The following TEX2 variants were observed in gnomAD, a reference collection of about 807,000 sequenced individuals.
TEX2 encodes the protein testis-expressed protein 2.
A neutral mutation model predicts 106.9 loss-of-function variants in TEX2; 53 were observed. That is an observed-to-expected ratio of 0.50 (90% CI 0.40 to 0.62). TEX2 has a LOEUF of 0.62. Ranked by LOEUF, TEX2 falls within the 20% of genes least tolerant of loss-of-function variation. The pLI is 0.00. For synonymous variants in TEX2, 523 were observed against 534.8 expected, an observed-to-expected ratio of 0.98 and a Z score of 0.30; for missense variants, 1,207 against 1,379.0, an observed-to-expected ratio of 0.88 and a Z score of 1.98.
intron 1 of TEX2, among the ~76,000 whole-genome samples, chr17:64,230,991 C>T (rs1211263220): frequency 2.0e-5 from 3 of 152,240 alleles, no homozygotes; most frequent in Non-Finnish European, 4.4e-5. Flanking sequence ...TTAACAAATA[C>T]TTCTAGACTT....
chr17:64,149,336 A>G (rs2030224084), intron 11 of TEX2: 1 of 445,408 alleles, frequency 2.2e-6, no homozygotes, highest in Non-Finnish European at 4.1e-6. Flanking sequence ...TTGATTTTGT[A>G]TACATATAAT....
At chr17:64,160,070 A>C (rs1201322116) in intron 8 of TEX2, among the ~76,000 whole-genome samples, 1 of 152,232 alleles carries the variant, frequency 6.6e-6, no homozygotes, top group East Asian at 1.9e-4. Context: ...AGATGTGAGA[A>C]GTAGCCTCTA....
chr17:64,150,783 G>A (rs144224784), intron 11 of TEX2, 58 bp downstream of exon 11: 12 of 1,539,452 alleles, frequency 7.8e-6, no homozygotes, highest in African/African-American at 2.8e-5. Context: ...TCAGAACCTC[G>A]GCTAAACCCA....
At chr17:64,237,472 G>A (rs1193878509) in intron 1 of TEX2, among the ~76,000 whole-genome samples, 2 of 152,174 alleles carry the variant, frequency 1.3e-5, no homozygotes, top group South Asian at 4.1e-4. Context: ...TTTTCTGGCT[G>A]TAGTGTGGAA....
intron 5 of TEX2, among the ~76,000 whole-genome samples, chr17:64,179,769 T>A (rs79045313): frequency 8.4e-4 from 126 of 149,590 alleles, no homozygotes; most frequent in Admixed American, 3.7e-3. Context: ...GAGTCTCATT[T>A]AAAAAAAAAA....
In TEX2 at chr17:64,149,061, C is replaced by T. The variant is rs773335087; in HGVS notation, c.3292G>A (p.Val1098Ile). 4 of 1,613,946 alleles carry T rather than the reference C, an allele frequency of 2.5e-6. No homozygotes were observed. Among genetic ancestry groups the T allele is most frequent in the African/African-American group, 1.3e-5 (1 of 74,926 alleles). The change falls in exon 12 of 12, where the codon GTT (valine) becomes ATT (isoleucine). Residue 1098 changes from valine (V) to isoleucine (I), a missense_variant. Physicochemically the swap from Val to Ile is conservative, Grantham distance 29 (BLOSUM62 3). Coordinates refer to ENST00000584379, the MANE Select transcript of TEX2 (RefSeq NM_001288732.2). The stretch of plus-strand genomic sequence containing the variant: ...GCTGAGTGCATTATAGTGATATAAA[C>T]ATCATCCATGTTTGGCATGACAAAA... ...KVFVMPNMDD[V>I]YITIMHSAMD...
At position 64,188,292 on chromosome 17, in the gene TEX2, C is replaced by T; in HGVS notation, c.2300G>A (p.Ser767Asn). 1 of 1,614,170 alleles carries T rather than the reference C, an allele frequency of 6.2e-7. No individual in the cohort carries two copies. Among genetic ancestry groups the T allele is most frequent in the East Asian group, 2.2e-5 (1 of 44,884 alleles). ...SQPKQKELAGSVRQKMLLDYS... is the reference protein window; with the variant it reads ...SQPKQKELAGNVRQKMLLDYS... ...GTCGAGAAGCATCTTCTGCCGCACG[C>T]TGCCTGCCAGCTCCTTCTGCTTTGG... The change falls in exon 5 of 12, where the codon AGC (serine) becomes AAC (asparagine). Residue 767 changes from serine to asparagine, a missense_variant. By Grantham distance (46) the Ser-to-Asn change is conservative. Around this residue, in one of 3 missense-constraint regions of TEX2, gnomAD observed 1,067 missense variants for 1,193.6 expected, o/e 0.89. Transcript: ENST00000584379.
intron 1 of TEX2, among the ~76,000 whole-genome samples, chr17:64,241,257 G>A (rs782538011): frequency 1.3e-5 from 2 of 152,208 alleles, no homozygotes; most frequent in Non-Finnish European, 2.9e-5. Flanking sequence ...CTCAGAAGCC[G>A]ACCAGTGAGC....
chr17:64,202,289 G>A (rs1598173722), intron 2 of TEX2, among the ~76,000 whole-genome samples: 1 of 152,090 alleles, frequency 6.6e-6, no homozygotes, highest in East Asian at 1.9e-4. Flanking sequence ...GATCACAGGA[G>A]TTGCTACTTG....
intron 7 of TEX2, among the ~76,000 whole-genome samples, chr17:64,170,225 G>A (rs1378236416): frequency 6.6e-6 from 1 of 152,188 alleles, no homozygotes; most frequent in Non-Finnish European, 1.5e-5. Flanking sequence ...CCAGCAAGGA[G>A]CCCTACTCTC....
At chr17:64,149,320 T>G (rs572137099) in intron 11 of TEX2, 1 of 489,494 alleles carries the variant, frequency 2.0e-6, no homozygotes, top group South Asian at 2.4e-5. Flanking sequence ...GAGGCAGAAG[T>G]GGCCTTTGAT....
chr17:64,171,213 GCAAA>G lies in TEX2; in HGVS notation c.2572-18_2572-15del, dbSNP rs773153804. 1.1e-5 allele frequency: 17 copies of G among 1,609,072 alleles called. No individual in the cohort carries two copies. The South Asian group carries it at 1.9e-4, about 18-fold the overall frequency. On this transcript the variant is annotated splice_polypyrimidine_tract_variant and intron_variant, in intron 6 of 11. Coordinates refer to ENST00000584379, the MANE Select transcript of TEX2 (RefSeq NM_001288732.2). ...AAAGTAGGGGAGCTAGAGGAAACAA[GCAAA>G]CAATGAGTGAGACCCATGAGCAACC...
intron 5 of TEX2, among the ~76,000 whole-genome samples, chr17:64,179,591 A>T (rs940833404): frequency 6.6e-6 from 1 of 152,086 alleles, no homozygotes; most frequent in African/African-American, 2.4e-5. Flanking sequence ...GAGACCACGA[A>T]CCCACCAGCA....
chr17:64,221,987 GA>G (rs2033370393), intron 1 of TEX2, among the ~76,000 whole-genome samples: 1 of 152,120 alleles, frequency 6.6e-6, no homozygotes. Context: ...CAACAGAAAG[GA>G]AAATGAAGAG....
chr17:64,199,188 A>G (rs2032576739), intron 2 of TEX2, among the ~76,000 whole-genome samples: 1 of 152,234 alleles, frequency 6.6e-6, no homozygotes, highest in Non-Finnish European at 1.5e-5. Flanking sequence ...CAATGGAAAT[A>G]TTAATATAAT....
intron 1 of TEX2, among the ~76,000 whole-genome samples, chr17:64,220,643 C>T (rs939070354): frequency 4.6e-5 from 7 of 152,006 alleles, no homozygotes; most frequent in African/African-American, 1.4e-4. Flanking sequence ...AAATCAAAAC[C>T]ACAATGAGAT....
intron 6 of TEX2, among the ~76,000 whole-genome samples, chr17:64,175,598 T>A (rs1676747549): frequency 6.6e-6 from 1 of 152,152 alleles, no homozygotes; most frequent in Admixed American, 6.5e-5. Context: ...GTTGTTGTTG[T>A]TTTTAGAGAT....
At chr17:64,228,700 T>C (rs984454259) in intron 1 of TEX2, among the ~76,000 whole-genome samples, 7 of 152,138 alleles carry the variant, frequency 4.6e-5, no homozygotes, top group South Asian at 2.1e-4. Context: ...TAGCAGGCCA[T>C]GGACCGCTCC....
intron 7 of TEX2, among the ~76,000 whole-genome samples, chr17:64,162,824 T>C (rs16947522): frequency 0.036 from 5,447 of 152,262 alleles, 321 homozygotes; most frequent in African/African-American, 0.12. Flanking sequence ...ACTGCCTCTT[T>C]CAGGGAGAGC....
Sources: gnomAD v4.1 joint callset for allele counts (sites outside exome capture counted in the v4.1 genomes callset) on GRCh38, gnomAD v4.1.1 for gene constraint, gnomAD v4.1.1 regional missense constraint, MANE v1.5 for transcripts, NCBI Gene and HGNC (gene_info 2026-07-23, HGNC 2026-07-21) for gene names.